The following ESRRG variants were observed in gnomAD, a reference collection of about 807,000 sequenced individuals.
ESRRG encodes the protein estrogen related receptor gamma, also known as estrogen-related receptor gamma.
Under a neutral mutation model 44.0 loss-of-function variants are expected in ESRRG, and 13 were observed. The observed-to-expected ratio is 0.30, with a 90% CI of 0.19 to 0.47. The LOEUF (loss-of-function observed/expected upper bound fraction) is 0.47, where lower values mean the gene tolerates loss of function less well. Ranked by LOEUF, ESRRG falls within the 20% of genes least tolerant of loss-of-function variation. The probability of loss-of-function intolerance (pLI) is 1.00; values close to 1 mark genes in which losing one functional copy is unlikely to be tolerated. For synonymous variants in ESRRG, 215 were observed against 214.6 expected (o/e 1.00, Z -0.02); for missense variants, 395 against 580.6 (o/e 0.68, Z 3.29).
At chr1:217,091,144 A>T (rs753469510), upstream of ESRRG, among the ~76,000 whole-genome samples, 8 of 152,144 alleles carry the variant, frequency 5.3e-5, no homozygotes, top group Non-Finnish European at 1.2e-4. Context: ...TTTATCAATA[A>T]TTATCCATTT....
chr1:216,584,756 A>G (rs1453502908), intron 3 of ESRRG, among the ~76,000 whole-genome samples: 1 of 152,232 alleles, frequency 6.6e-6, no homozygotes, highest in Non-Finnish European at 1.5e-5. Flanking sequence ...GGCGAATAAG[A>G]AAGGTACTAG....
At chr1:216,708,932 G>A (rs1245227222) in intron 1 of ESRRG, among the ~76,000 whole-genome samples, 1 of 152,048 alleles carries the variant, frequency 6.6e-6, no homozygotes, top group African/African-American at 2.4e-5. Context: ...GGATGAAGCT[G>A]GAAACCATCA....
chr1:216,918,326 A>C (rs2061428515), intron 2 of ESRRG, among the ~76,000 whole-genome samples: 1 of 152,108 alleles, frequency 6.6e-6, no homozygotes. Context: ...TTGGAAAAGC[A>C]ATATGTGCCC....
intron 1 of ESRRG, among the ~76,000 whole-genome samples, chr1:217,101,462 C>T (rs2092511449): frequency 6.6e-6 from 1 of 152,164 alleles, no homozygotes; most frequent in Non-Finnish European, 1.5e-5. Context: ...AAATCTCAAC[C>T]TCTTTCCTTA....
At chr1:216,704,084 T>C (rs1425806946) in intron 1 of ESRRG, among the ~76,000 whole-genome samples, 1 of 152,290 alleles carries the variant, frequency 6.6e-6, no homozygotes, top group East Asian at 1.9e-4. Context: ...CATTTTCATG[T>C]GTGTTCCGTT....
chr1:216,557,488 T>G (rs2057825837), intron 5 of ESRRG, among the ~76,000 whole-genome samples: 1 of 152,170 alleles, frequency 6.6e-6, no homozygotes, highest in East Asian at 1.9e-4. Flanking sequence ...CTAAGTATCA[T>G]TGTCAACGGT....
At chr1:216,759,911 A>T (rs1471128194) in intron 2 of ESRRG, among the ~76,000 whole-genome samples, 1 of 152,086 alleles carries the variant, frequency 6.6e-6, no homozygotes, top group Non-Finnish European at 1.5e-5. Context: ...AGCCTAGTAC[A>T]TTATCATCCC....
intron 1 of ESRRG, among the ~76,000 whole-genome samples, chr1:216,965,463 C>T (rs1003802100): frequency 6.6e-6 from 1 of 152,130 alleles, no homozygotes; most frequent in Admixed American, 6.5e-5. Context: ...ATACATTTAT[C>T]CAGTACTACA....
intron 2 of ESRRG, among the ~76,000 whole-genome samples, chr1:216,911,701 T>C (rs981776478): frequency 3.3e-5 from 5 of 152,030 alleles, no homozygotes; most frequent in Admixed American, 1.3e-4. Flanking sequence ...GGGAGGGGTA[T>C]ATGGAAACTC....
intron 2 of ESRRG, among the ~76,000 whole-genome samples, chr1:216,797,784 C>G (rs959565758): frequency 2.0e-5 from 3 of 152,122 alleles, no homozygotes; most frequent in Non-Finnish European, 4.4e-5. Flanking sequence ...TGACCTTGAT[C>G]ACCTGCTTAA....
intron 2 of ESRRG, among the ~76,000 whole-genome samples, chr1:216,671,756 G>C (rs2075226017): frequency 6.6e-6 from 1 of 152,060 alleles, no homozygotes; most frequent in East Asian, 1.9e-4. Context: ...AAATGTGGGG[G>C]AAAGAAGAAT....
chr1:216,869,032 T>G (rs1248929380), intron 2 of ESRRG, among the ~76,000 whole-genome samples: 1 of 152,204 alleles, frequency 6.6e-6, no homozygotes, highest in Non-Finnish European at 1.5e-5. Flanking sequence ...TCTCATTTTC[T>G]TAATAGTGAG....
At chr1:217,036,518 A>G (rs1188247268) in intron 1 of ESRRG, among the ~76,000 whole-genome samples, 3 of 152,170 alleles carry the variant, frequency 2.0e-5, no homozygotes, top group Non-Finnish European at 2.9e-5. Context: ...TTGCAAAAAC[A>G]TGGATGGAGC....
intron 3 of ESRRG, among the ~76,000 whole-genome samples, chr1:216,596,633 A>G (rs1212026045): frequency 1.3e-5 from 2 of 152,226 alleles, no homozygotes. Context: ...CCACTAGCCA[A>G]TATCAATGCT....
At chr1:217,134,919 G>C (rs80337688) in intron 1 of ESRRG, among the ~76,000 whole-genome samples, 1 of 152,236 alleles carries the variant, frequency 6.6e-6, no homozygotes. Flanking sequence ...GGCCGCAGCC[G>C]CTGGAAAAAG....
rs1298461247 is a variant in ESRRG at position 216,672,036 on chromosome 1, A to AGGAAAGAAAGAAGGAAGGAAGGAAGGAG, written c.472+5012_472+5039dup. On this transcript the variant is annotated intron_variant, in intron 2 of 6. Coordinates refer to ENST00000408911, the MANE Select transcript of ESRRG (RefSeq NM_001438.4). ...AAAAAGAAAAGAAAAGAAGGAAGGA[A>AGGAAAGAAAGAAGGAAGGAAGGAAGGAG]GGAAAGAAAGAAGGAAGGAAGGAAG... Among the ~76,000 whole-genome samples, 759 of 135,306 alleles carry AGGAAAGAAAGAAGGAAGGAAGGAAGGAG rather than the reference A, an allele frequency of 5.6e-3. 9 individuals carry two copies. Among genetic ancestry groups the AGGAAAGAAAGAAGGAAGGAAGGAAGGAG allele is most frequent in the African/African-American group, 0.018 (713 of 39,048 alleles). The allele number at this position is 135,306 out of a possible 152,430, so 88.8% of individuals were successfully genotyped here.
chr1:216,568,206 T>A (rs751826588), intron 3 of ESRRG, 108 bp from the exon 4 acceptor site: 1 of 792,668 alleles, frequency 1.3e-6, no homozygotes, highest in Non-Finnish European at 2.2e-6. Flanking sequence ...AACAGTAGAA[T>A]GCAGAATGGA....
chr1:216,599,143 G>T (rs1196346213), intron 3 of ESRRG, among the ~76,000 whole-genome samples: 1 of 151,706 alleles, frequency 6.6e-6, no homozygotes, highest in Non-Finnish European at 1.5e-5. Flanking sequence ...GATATTCATA[G>T]GGGGTTCCAA....
At chr1:217,062,126 T>C (rs2088642520) in intron 1 of ESRRG, among the ~76,000 whole-genome samples, 1 of 152,152 alleles carries the variant, frequency 6.6e-6, no homozygotes, top group East Asian at 1.9e-4. Context: ...CAAGCCCAAG[T>C]TAAGTGCCAA....
Sources: gnomAD v4.1 joint callset for allele counts (sites outside exome capture counted in the v4.1 genomes callset) on GRCh38, gnomAD v4.1.1 for gene constraint, MANE v1.5 for transcripts, NCBI Gene and HGNC (gene_info 2026-07-23, HGNC 2026-07-21) for gene names.